Variants in MDN1 observed in about 807,000 individuals in gnomAD.
MDN1 encodes midasin.
In MDN1, 266 loss-of-function variants were observed where a neutral mutation model predicts 669.2. The observed-to-expected ratio is 0.40, with a 90% confidence interval of 0.36 to 0.44. The LOEUF is 0.44. MDN1 is among the 20% of genes least tolerant of loss of function. MDN1 has a pLI of 1.00. For synonymous variants in MDN1, 2,385 were observed against 2,457.1 expected, an observed-to-expected ratio of 0.97 and a Z score of 0.87; for missense variants, 5,940 against 6,754.0, an observed-to-expected ratio of 0.88 and a Z score of 4.22.
At chr6:89,803,705 C>G in intron 1 of MDN1, 151 bp from the exon 2 acceptor site, 1 of 626,680 alleles carries the variant, frequency 1.6e-6, no homozygotes, top group Admixed American at 2.9e-5. Context: ...CCCGAGCCGC[C>G]CAAGTAGCTG....
intron 74 of MDN1, among the ~76,000 whole-genome samples, chr6:89,679,400 G>A (rs1198360223): frequency 6.6e-6 from 1 of 152,140 alleles, no homozygotes; most frequent in Non-Finnish European, 1.5e-5. Flanking sequence ...CAAGGGTGCC[G>A]CCTCCCTGTT....
chr6:89,751,120 T>C (rs898492483), intron 23 of MDN1, among the ~76,000 whole-genome samples: 1 of 152,150 alleles, frequency 6.6e-6, no homozygotes, highest in Non-Finnish European at 1.5e-5. Flanking sequence ...GCTGGCAACA[T>C]TTGTAAGAAA....
intron 29 of MDN1, among the ~76,000 whole-genome samples, chr6:89,744,592 G>A (rs1343340047): frequency 1.3e-5 from 2 of 152,028 alleles, no homozygotes; most frequent in Admixed American, 6.6e-5. Context: ...TAGTAGAGAC[G>A]GGGTTTTGCC....
intron 67 of MDN1, 107 bp from the exon 68 acceptor site, chr6:89,687,545 T>G: frequency 6.1e-6 from 5 of 824,286 alleles, no homozygotes; most frequent in Non-Finnish European, 9.7e-6. Flanking sequence ...ACTGGGCCCT[T>G]AAACAACTTG....
In MDN1 at chr6:89,662,881, C is replaced by T. The variant is rs1175535616; in HGVS notation, c.14323G>A (p.Asp4775Asn). 3.7e-6 allele frequency: 6 copies of T among 1,613,958 alleles called. No homozygotes were observed. The African/African-American group carries it at 6.7e-5, about 18-fold the overall frequency. ...TCATCATCACCCCAAAGCCTCTCAT[C>T]TAGTTTGTCAGCTTCCTCACCATTG... is the stretch of plus-strand genomic sequence containing the variant. ...DLNGEEADKL[D>N]ERLWGDDDEE... The change falls in exon 86 of 102, where the codon GAT becomes AAT. Residue 4775 changes from aspartate (D) to asparagine (N), a missense_variant. Transcript: ENST00000369393.
chr6:89,711,477 T>C (rs529182850), intron 49 of MDN1, among the ~76,000 whole-genome samples: 1 of 152,228 alleles, frequency 6.6e-6, no homozygotes, highest in East Asian at 1.9e-4. Context: ...TACAGGAGGA[T>C]GTGTGTAGGG....
intron 46 of MDN1, 119 bp from the exon 47 acceptor site, chr6:89,713,415 T>C: frequency 1.1e-6 from 1 of 890,672 alleles, no homozygotes; most frequent in Non-Finnish European, 1.7e-6. Context: ...AATACTTACT[T>C]TACAAAACAT....
At chr6:89,745,113 G>T (rs530803350) in intron 29 of MDN1, among the ~76,000 whole-genome samples, 160 bp downstream of exon 29, 11 of 60,618 alleles carry the variant, frequency 1.8e-4, no homozygotes, top group Non-Finnish European at 3.0e-4. Flanking sequence ...CCCAGCCCCC[G>T]ACCCACTCTT....
At position 89,762,401 on chromosome 6, in the gene MDN1, C is replaced by A; in HGVS notation, c.2274G>T (p.Gln758His). The part of the protein sequence containing the change: ...FLGHIQTCYR[Q>H]KRWHDLLRLM... Reference sequence around the variant, plus strand: ...GTCTCAGGAGATCATGCCACCGTTTCTGTCTGTAACAGGTCTGAATGTGCC... The same window carrying A: ...GTCTCAGGAGATCATGCCACCGTTTATGTCTGTAACAGGTCTGAATGTGCC... The change falls in exon 16 of 102, where the codon CAG becomes CAT. Residue 758 changes from glutamine to histidine, a missense_variant. Gln to His is a conservative substitution (Grantham distance 24). Transcript: ENST00000369393. 6.2e-7 allele frequency: 1 copy of A among 1,614,150 alleles called. No individual in the cohort carries two copies. Among genetic ancestry groups the A allele is most frequent in the Non-Finnish European group, 8.5e-7 (1 of 1,180,014 alleles).
intron 11 of MDN1, 39 bp downstream of exon 11, chr6:89,780,173 C>A: frequency 2.4e-6 from 3 of 1,248,568 alleles, no homozygotes; most frequent in Non-Finnish European, 3.3e-6. Context: ...AACAGCCTTA[C>A]AGAACCAAGA....
chr6:89,658,728 G>A lies in MDN1; in HGVS notation c.14903C>T (p.Ala4968Val), dbSNP rs1455560995. The A allele has an allele frequency of 6.2e-7, 1 of 1,614,168 alleles. No individual in the cohort carries two copies. The highest frequency in any genetic ancestry group is 1.7e-5 in the Admixed American group (1 of 60,032). Residue 4968 changes from alanine (A) to valine (V), a missense_variant, in exon 89 of 102, where the codon GCT becomes GTT. Ala to Val is a moderately conservative substitution (Grantham distance 64). Around this residue, in one of 5 missense-constraint regions of MDN1, gnomAD observed 2,280 missense variants for 2,576.3 expected, o/e 0.88. Coordinates refer to ENST00000369393, the MANE Select transcript of MDN1 (RefSeq NM_014611.3). ...AGAGTGTTCTTCAGGATGCTGAGCAGCATCTCCATCTTGGTCATCAGCTCC... is the reference window on the plus strand; with the variant it reads ...AGAGTGTTCTTCAGGATGCTGAGCAACATCTCCATCTTGGTCATCAGCTCC... The part of the protein sequence containing the change: ...DTGADDQDGD[A>V]AQHPEEHSEE...
At chr6:89,750,323 C>G in intron 24 of MDN1, 31 bp downstream of exon 24, 1 of 1,565,510 alleles carries the variant, frequency 6.4e-7, no homozygotes, top group South Asian at 1.1e-5. Context: ...GAATAAACAC[C>G]TATGTCCATG....
At chr6:89,750,636 T>G in intron 23 of MDN1, 104 bp from the exon 24 acceptor site, 1 of 1,158,952 alleles carries the variant, frequency 8.6e-7, no homozygotes, top group Non-Finnish European at 1.2e-6. Context: ...AGGGTTTCAC[T>G]CTGTTGCCCA....
At position 89,676,086 on chromosome 6, in the gene MDN1, T is replaced by C. The variant is rs542250912; in HGVS notation, c.12645+16A>G. On this transcript the variant is annotated intron_variant, in intron 77 of 101. Transcript: ENST00000369393. ...TTTCCCTGAGCCCCTGCAAGACTCA[T>C]GTTCTATCATTCTACCTTGGCAGGA... The C allele has an allele frequency of 1.2e-6, 2 of 1,609,682 alleles. No individual in the cohort carries two copies. The highest frequency in any genetic ancestry group is 1.7e-6 in the Non-Finnish European group (2 of 1,175,952).
At chr6:89,797,462 C>G (rs9351219) in intron 2 of MDN1, 1 of 184,214 alleles carries the variant, frequency 5.4e-6, no homozygotes, top group Admixed American at 6.1e-5. Flanking sequence ...TTGTGGTCGG[C>G]GGCTGTGTTG....
chr6:89,771,721 T>C (rs1818087662), intron 14 of MDN1, 100 bp from the exon 15 acceptor site: 1 of 1,033,002 alleles, frequency 9.7e-7, no homozygotes, highest in Non-Finnish European at 1.5e-6. Flanking sequence ...TAGGGCTTTA[T>C]TTTTTGAGAC....
At chr6:89,677,363 G>C (rs897406309) in intron 76 of MDN1, among the ~76,000 whole-genome samples, 3 of 152,048 alleles carry the variant, frequency 2.0e-5, no homozygotes, top group African/African-American at 7.3e-5. Flanking sequence ...CAAAGTGCTG[G>C]GATTACAGTC....
chr6:89,730,519 G>A (rs1423975362), intron 35 of MDN1, among the ~76,000 whole-genome samples: 1 of 152,196 alleles, frequency 6.6e-6, no homozygotes, highest in East Asian at 1.9e-4. Context: ...TCTATTTATA[G>A]ATTGAAGTCT....
At chr6:89,680,990 G>C (rs1286195275) in intron 73 of MDN1, among the ~76,000 whole-genome samples, 1 of 152,150 alleles carries the variant, frequency 6.6e-6, no homozygotes, top group Non-Finnish European at 1.5e-5. Flanking sequence ...AGCAATGCTT[G>C]CTATGATAGC....
Sources: gnomAD v4.1 joint callset for allele counts (sites outside exome capture counted in the v4.1 genomes callset) on GRCh38, gnomAD v4.1.1 for gene constraint, gnomAD v4.1.1 regional missense constraint, MANE v1.5 for transcripts, NCBI Gene and HGNC (gene_info 2026-07-23, HGNC 2026-07-21) for gene names.